Variants in PSD3 observed in about 807,000 individuals in gnomAD.
PSD3 encodes pleckstrin and Sec7 domain containing 3, also known as PH and SEC7 domain-containing protein 3.
PSD3 carries 49 observed loss-of-function variants against 105.5 expected under a neutral mutation model. That is an observed-to-expected ratio of 0.46 (90% confidence interval 0.37 to 0.59). PSD3 has a LOEUF of 0.59. Ranked by LOEUF, PSD3 falls within the 20% of genes least tolerant of loss-of-function variation. PSD3 has a pLI of 0.00. For synonymous variants in PSD3, 557 were observed against 457.8 expected, an observed-to-expected ratio of 1.22 and a Z score of -2.77; for missense variants, 1,561 against 1,263.8, an observed-to-expected ratio of 1.24 and a Z score of -3.57.
chr8:18,723,482 G>A lies in PSD3; in HGVS notation c.2172+41967C>T, dbSNP rs533879567. 7.2e-5 allele frequency among the ~76,000 whole-genome samples: 11 copies of A among 152,216 alleles called. No individual in the cohort carries two copies. The South Asian group carries it at 1.9e-3, about 26-fold the overall frequency. Reference sequence around the variant, plus strand: ...TATAATCTAAGTTAGTTCCTTAGGCGTTTCTCTACTGAAGATCAATTAAAT... The same window carrying A: ...TATAATCTAAGTTAGTTCCTTAGGCATTTCTCTACTGAAGATCAATTAAAT... On this transcript the variant is annotated intron_variant, in intron 9 of 15. Coordinates refer to ENST00000327040, the MANE Select transcript of PSD3 (RefSeq NM_015310.4).
chr8:18,747,344 G>C (rs1413126229), intron 9 of PSD3, among the ~76,000 whole-genome samples: 1 of 152,156 alleles, frequency 6.6e-6, no homozygotes, highest in African/African-American at 2.4e-5. Context: ...ACCTAAGAGA[G>C]TTTCTAAAGG....
Position 19,026,906 on chromosome 8 carries a change from G to A in PSD3, c.324+57300C>T, listed in dbSNP as rs545103268. On this transcript the variant is annotated intron_variant, in intron 1 of 1. Coordinates refer to the PSD3 transcript ENST00000521475. ...AAAAATATATATATATACAAAGAAA[G>A]AAAGGAAAATGTTTACTGAATGAAT... is the stretch of plus-strand genomic sequence containing the variant. 8.6e-5 allele frequency among the ~76,000 whole-genome samples: 13 copies of A among 151,012 alleles called. No individual in the cohort carries two copies. In the East Asian group the frequency reaches 2.5e-3, roughly 29 times the overall value.
chr8:18,684,733 G>A (rs899571556), intron 9 of PSD3, among the ~76,000 whole-genome samples: 19 of 152,178 alleles, frequency 1.2e-4, no homozygotes, highest in Non-Finnish European at 2.4e-4. Context: ...CTAGGAGACT[G>A]AGAAAATGAC....
rs1209222765 is a variant in PSD3, at chr8:18,559,017, A to G, written c.2785-2665T>C. 2.0e-5 allele frequency among the ~76,000 whole-genome samples: 3 copies of G among 152,272 alleles called. No individual in the cohort carries two copies. The South Asian group carries it at 6.2e-4, about 32-fold the overall frequency. On this transcript the variant is annotated intron_variant, in intron 14 of 15. Coordinates refer to ENST00000327040, the MANE Select transcript of PSD3 (RefSeq NM_015310.4). ...GCAGGACACATTACAATTTTGTTTA[A>G]GGATATTTAGCTTGTTTTCAGGTTT...
At chr8:19,002,660 G>A (rs1268127465) in intron 1 of PSD3, among the ~76,000 whole-genome samples, 2 of 151,944 alleles carry the variant, frequency 1.3e-5, no homozygotes, top group Non-Finnish European at 2.9e-5. Flanking sequence ...TCTAGGTTTC[G>A]TATAATACCT....
intron 9 of PSD3, among the ~76,000 whole-genome samples, chr8:18,687,608 C>T (rs913779800): frequency 3.9e-5 from 6 of 152,028 alleles, no homozygotes; most frequent in African/African-American, 1.4e-4. Flanking sequence ...AGTCCCTCTG[C>T]CCGAAACAAG....
At position 18,765,545 on chromosome 8, in the gene PSD3, C is replaced by G. The variant is rs755072977; in HGVS notation, c.2083-7G>C. 7 of 1,561,792 alleles carry G rather than the reference C, an allele frequency of 4.5e-6. No homozygotes were observed. In the South Asian group the frequency reaches 5.6e-5, roughly 12 times the overall value. The stretch of plus-strand genomic sequence containing the variant: ...TCATCTTCTTTCCAATATTCTGAAA[C>G]AGAGGCAAACAGTACATCACTATGA... On this transcript the variant is annotated splice_region_variant and splice_polypyrimidine_tract_variant and intron_variant, in intron 8 of 15. Coordinates refer to ENST00000327040, the MANE Select transcript of PSD3 (RefSeq NM_015310.4).
At chr8:18,622,097 T>C (rs1306287815) in intron 11 of PSD3, among the ~76,000 whole-genome samples, 2 of 152,308 alleles carry the variant, frequency 1.3e-5, no homozygotes, top group Admixed American at 6.5e-5. Context: ...ATCCACAGTA[T>C]TTACAATGAG....
At chr8:18,726,678 C>T (rs904745943) in intron 9 of PSD3, among the ~76,000 whole-genome samples, 17 of 152,146 alleles carry the variant, frequency 1.1e-4, no homozygotes, top group Admixed American at 4.6e-4. Flanking sequence ...TTTATAACCC[C>T]TAGAACATGC....
chr8:18,803,876 T>G (rs1810958076), intron 6 of PSD3, among the ~76,000 whole-genome samples: 1 of 151,992 alleles, frequency 6.6e-6, no homozygotes, highest in African/African-American at 2.4e-5. Context: ...TGGACAACAT[T>G]ATGAATGTTT....
intron 2 of PSD3, among the ~76,000 whole-genome samples, chr8:18,896,944 G>A (rs2129460210): frequency 6.6e-6 from 1 of 152,108 alleles, no homozygotes; most frequent in Admixed American, 6.6e-5. Context: ...CCGAGTAGCT[G>A]GGATTACAGG....
intron 11 of PSD3, among the ~76,000 whole-genome samples, chr8:18,600,670 T>TTACAAAAC (rs1276170059): frequency 1.3e-5 from 2 of 152,156 alleles, no homozygotes; most frequent in Non-Finnish European, 2.9e-5. Context: ...TTCTCTCTTC[T>TTACAAAAC]TACAAAACTG....
At chr8:18,662,355 G>A (rs1436458409) in intron 9 of PSD3, among the ~76,000 whole-genome samples, 1 of 152,168 alleles carries the variant, frequency 6.6e-6, no homozygotes, top group Non-Finnish European at 1.5e-5. Context: ...AAAATGTGCT[G>A]CTAACCCTGA....
intron 8 of PSD3, among the ~76,000 whole-genome samples, chr8:18,796,362 G>C (rs1169253196): frequency 2.0e-5 from 3 of 152,020 alleles, no homozygotes; most frequent in Non-Finnish European, 4.4e-5. Flanking sequence ...AGGATTATTT[G>C]GCTTCCATGA....
intron 4 of PSD3, among the ~76,000 whole-genome samples, chr8:18,826,054 G>A (rs145804931): frequency 6.6e-6 from 1 of 152,248 alleles, no homozygotes; most frequent in East Asian, 1.9e-4. Context: ...ATCATCCAAA[G>A]CCCAAAGGCC....
chr8:18,583,796 G>C lies in PSD3; in HGVS notation c.2482-8511C>G, dbSNP rs549012914. On this transcript the variant is annotated intron_variant, in intron 12 of 15. Coordinates refer to ENST00000327040, the MANE Select transcript of PSD3 (RefSeq NM_015310.4). ...TCAAATTGCACTGAATTGGCCTTTT[G>C]TTTGTTAATTTCTTCAGAATGAAGA... 3.0e-3 allele frequency among the ~76,000 whole-genome samples: 454 copies of C among 152,148 alleles called. 3 individuals carry two copies. Among genetic ancestry groups the C allele is most frequent in the African/African-American group, 0.011 (441 of 41,516 alleles).
intron 4 of PSD3, among the ~76,000 whole-genome samples, chr8:18,844,839 T>C (rs555891028): frequency 2.0e-5 from 3 of 152,324 alleles, no homozygotes; most frequent in South Asian, 2.1e-4. Flanking sequence ...CTACTCTGCA[T>C]AGCATTTACT....
At chr8:18,769,681 T>A (rs1481357199) in intron 8 of PSD3, among the ~76,000 whole-genome samples, 1 of 152,234 alleles carries the variant, frequency 6.6e-6, no homozygotes, top group East Asian at 1.9e-4. Flanking sequence ...AATCTGCATT[T>A]TCTTTATACA....
At chr8:18,678,093 A>G (rs188163818) in intron 9 of PSD3, among the ~76,000 whole-genome samples, 2 of 152,284 alleles carry the variant, frequency 1.3e-5, no homozygotes, top group Admixed American at 1.3e-4. Context: ...ACCTGGTGAA[A>G]AAGTATAACT....
Sources: gnomAD v4.1 joint callset for allele counts (sites outside exome capture counted in the v4.1 genomes callset) on GRCh38, gnomAD v4.1.1 for gene constraint, MANE v1.5 for transcripts, NCBI Gene and HGNC (gene_info 2026-07-23, HGNC 2026-07-21) for gene names.